ASXL3: variants seen among roughly 807,000 people sequenced by gnomAD.
ASXL3 encodes ASXL transcriptional regulator 3.
Under a neutral mutation model 170.6 loss-of-function variants are expected in ASXL3, and 34 were observed. The ratio of observed to expected loss-of-function variants is 0.20; its 90% CI spans 0.15 to 0.27. ASXL3 has a LOEUF of 0.27. Among genes scored for constraint, ASXL3 ranks in the 10% least tolerant of loss-of-function variants. ASXL3 has a pLI of 1.00. For missense variants in ASXL3, 2,592 were observed against 2,695.3 expected (o/e 0.96, Z 0.85); for synonymous variants, 1,002 against 989.1 (o/e 1.01, Z -0.24).
chr18:33,608,238 C>T (rs1189074167), intron 2 of ASXL3, among the ~76,000 whole-genome samples: 1 of 151,902 alleles, frequency 6.6e-6, no homozygotes, highest in African/African-American at 2.4e-5. Flanking sequence ...AGAACATTTT[C>T]ATCACCCTAA....
In ASXL3 at chr18:33,645,057, CAT is replaced by C. The variant is rs2065898686; in HGVS notation, c.246+56_246+57del. The C allele has an allele frequency of 4.8e-6, 6 of 1,261,514 alleles. No homozygotes were observed. The South Asian group carries it at 5.7e-5, about 12-fold the overall frequency. 78.1% of individuals were successfully genotyped at this position (1,261,514 alleles called of 1,614,324 possible). ...TACTATTATCATGCATTTTTTCAGA[CAT>C]GTGAAGGTAAACAAAATTAGATTTG... On this transcript the variant is annotated intron_variant, in intron 3 of 11. Coordinates refer to ENST00000269197, the MANE Select transcript of ASXL3 (RefSeq NM_030632.3).
At chr18:33,734,447 TGAGA>T (rs775065127) in intron 10 of ASXL3, 32 bp downstream of exon 10, 10 of 1,404,068 alleles carry the variant, frequency 7.1e-6, no homozygotes, top group Non-Finnish European at 8.9e-6. Context: ...CTCATTTCTC[TGAGA>T]AAGAAATGAA....
At chr18:33,642,762 G>A (rs1472765920) in intron 2 of ASXL3, among the ~76,000 whole-genome samples, 1 of 151,872 alleles carries the variant, frequency 6.6e-6, no homozygotes, top group Non-Finnish European at 1.5e-5. Context: ...TTTGCAGCAA[G>A]CACAGCATTA....
At chr18:33,708,268 G>A (rs1159259564) in intron 8 of ASXL3, among the ~76,000 whole-genome samples, 3 of 152,058 alleles carry the variant, frequency 2.0e-5, no homozygotes, top group Admixed American at 6.6e-5. Flanking sequence ...TTTAATTACC[G>A]ACTCAATTTC....
intron 2 of ASXL3, among the ~76,000 whole-genome samples, chr18:33,628,255 G>A (rs2065629217): frequency 6.6e-6 from 1 of 151,978 alleles, no homozygotes; most frequent in Admixed American, 6.6e-5. Flanking sequence ...ATTTGGCCTC[G>A]GTCTCGCCCA....
At chr18:33,736,260 G>C (rs150082181) in intron 10 of ASXL3, among the ~76,000 whole-genome samples, 410 of 152,172 alleles carry the variant, frequency 2.7e-3, no homozygotes, top group African/African-American at 8.9e-3. Context: ...TTCCCTAGAA[G>C]ATGACAGCTA....
At chr18:33,704,740 C>G (rs1001043725) in intron 8 of ASXL3, among the ~76,000 whole-genome samples, 1 of 151,846 alleles carries the variant, frequency 6.6e-6, no homozygotes, top group Admixed American at 6.6e-5. Context: ...TGTACAGATT[C>G]GTTTTTATTC....
chr18:33,614,757 C>CA (rs2065395034), intron 2 of ASXL3: 1 of 151,996 alleles, frequency 6.6e-6, no homozygotes, highest in Admixed American at 6.6e-5. Flanking sequence ...TCTCTTTGTA[C>CA]ATCTCCCTCA....
intron 2 of ASXL3, among the ~76,000 whole-genome samples, chr18:33,612,037 C>T (rs2065342951): frequency 6.6e-6 from 1 of 151,942 alleles, no homozygotes; most frequent in South Asian, 2.1e-4. Context: ...AACAACCATT[C>T]ATCAGTGAGG....
intron 8 of ASXL3, among the ~76,000 whole-genome samples, chr18:33,686,394 G>C (rs886652697): frequency 6.6e-6 from 1 of 152,188 alleles, no homozygotes; most frequent in Non-Finnish European, 1.5e-5. Context: ...AAACCAGTTA[G>C]AATCACATAA....
At position 33,695,064 on chromosome 18, in the gene ASXL3, G is replaced by T. The variant is rs1289754103; in HGVS notation, c.879+11496G>T. Among the ~76,000 whole-genome samples, 3 of 152,024 alleles carry T rather than the reference G, an allele frequency of 2.0e-5. No homozygotes were observed. In the East Asian group the frequency reaches 5.8e-4, roughly 29 times the overall value. Reference sequence around the variant, plus strand: ...AGCTCATACATTTTCGATAACTCAGGCTCCTCTTAGAGATTGCTCTATGTA... The same window carrying T: ...AGCTCATACATTTTCGATAACTCAGTCTCCTCTTAGAGATTGCTCTATGTA... On this transcript the variant is annotated intron_variant, in intron 8 of 11. Coordinates refer to ENST00000269197, the MANE Select transcript of ASXL3 (RefSeq NM_030632.3).
In ASXL3 at chr18:33,745,928, C is replaced by T; in HGVS notation, c.6080C>T (p.Pro2027Leu). The change falls in exon 12 of 12, where the codon CCA becomes CTA. Residue 2027 changes from proline to leucine, a missense_variant. Physicochemically the swap from Pro to Leu is moderately conservative, Grantham distance 98. Transcript: ENST00000269197. ...CCGCCACCGCCTCCCCCTCCCCCTC[C>T]ACCCTTGGCTTTGCCCCCGCCTCCC... ...PPPPPPPPPP[P>L]PLALPPPPPP... 1.3e-6 allele frequency: 2 copies of T among 1,547,560 alleles called. No homozygotes were observed. The highest frequency in any genetic ancestry group is 1.7e-6 in the Non-Finnish European group (2 of 1,149,032).
Position 33,731,995 on chromosome 18 carries a change from A to G in ASXL3, c.907A>G (p.Ser303Gly). The G allele has an allele frequency of 6.2e-7, 1 of 1,612,886 alleles. No individual in the cohort carries two copies. The highest frequency in any genetic ancestry group is 1.1e-5 in the South Asian group (1 of 90,822). ...QMGSDGILRL[S>G]TSALNNEFFA... ...GGGAAGTGATGGAATTTTACGCCTCAGTACTTCAGCTCTAAATAATGAATT... is the reference window on the plus strand; with the variant it reads ...GGGAAGTGATGGAATTTTACGCCTCGGTACTTCAGCTCTAAATAATGAATT... The change falls in exon 9 of 12, where the codon AGT (serine) becomes GGT (glycine). Residue 303 changes from serine to glycine, a missense_variant. Coordinates refer to ENST00000269197, the MANE Select transcript of ASXL3 (RefSeq NM_030632.3).
chr18:33,675,010 G>T (rs1291254147), intron 7 of ASXL3, among the ~76,000 whole-genome samples: 3 of 152,124 alleles, frequency 2.0e-5, no homozygotes, highest in Non-Finnish European at 4.4e-5. Flanking sequence ...CGTACATTCT[G>T]CTCTTTGCCA....
chr18:33,589,074 A>T (rs1215781203), intron 1 of ASXL3, among the ~76,000 whole-genome samples: 2 of 152,266 alleles, frequency 1.3e-5, no homozygotes, highest in Admixed American at 1.3e-4. Context: ...TATATGGGTT[A>T]TGGAGACAGT....
intron 1 of ASXL3, among the ~76,000 whole-genome samples, chr18:33,600,086 A>T (rs956332735): frequency 6.6e-6 from 1 of 152,154 alleles, no homozygotes; most frequent in Non-Finnish European, 1.5e-5. Flanking sequence ...TAAAAGTGAC[A>T]CTGGAAAACT....
chr18:33,657,868 T>C (rs2066109049), intron 4 of ASXL3, among the ~76,000 whole-genome samples: 1 of 152,114 alleles, frequency 6.6e-6, no homozygotes, highest in African/African-American at 2.4e-5. Context: ...AAATAGTATT[T>C]TTATACCTTT....
intron 2 of ASXL3, among the ~76,000 whole-genome samples, chr18:33,622,264 T>G (rs1414556524): frequency 1.3e-5 from 2 of 152,174 alleles, no homozygotes; most frequent in East Asian, 3.9e-4. Context: ...GTTGTCTTAT[T>G]CATCACATAC....
rs2067860267 is a variant in ASXL3, at chr18:33,750,058, G to A, written c.*3463G>A. On this transcript the variant is annotated 3_prime_UTR_variant, in exon 12 of 12. Transcript: ENST00000269197. ...TTTTAGAAGCTGAAGCCAAGCCTAG[G>A]GTAGCATCGTCTGTACGGTGGTGAG... The A allele has an allele frequency of 6.6e-6, 1 of 152,260 alleles. No individual in the cohort carries two copies. The highest frequency in any genetic ancestry group is 2.4e-5 in the African/African-American group (1 of 41,442). The allele number at this position is 152,260 out of a possible 1,614,324, so 9.4% of individuals were successfully genotyped here.
Sources: allele counts gnomAD v4.1 joint callset (sites outside exome capture counted in the v4.1 genomes callset), GRCh38; gene constraint gnomAD v4.1.1; transcripts MANE v1.5; gene names NCBI Gene and HGNC (gene_info 2026-07-23, HGNC 2026-07-21).